PLXNA2: variants seen among roughly 807,000 people sequenced by gnomAD.
PLXNA2 encodes the protein plexin-A2.
PLXNA2 carries 91 observed loss-of-function variants against 193.5 expected under a neutral mutation model. The observed-to-expected ratio is 0.47, with a 90% CI of 0.40 to 0.56. The LOEUF is 0.56. Ranked by LOEUF, PLXNA2 falls within the 20% of genes least tolerant of loss-of-function variation. The pLI, the probability that PLXNA2 is intolerant of heterozygous loss-of-function variation, is 0.00. For synonymous variants in PLXNA2, 997 were observed against 1,027.3 expected (o/e 0.97, Z 0.56); for missense variants, 1,995 against 2,503.2 (o/e 0.80, Z 4.33).
chr1:208,165,872 A>C (rs1405649996), intron 3 of PLXNA2, among the ~76,000 whole-genome samples: 1 of 152,250 alleles, frequency 6.6e-6, no homozygotes, highest in South Asian at 2.1e-4. Flanking sequence ...AATGTTCTAC[A>C]ACTCCCATTG....
chr1:208,223,231 GTT>G (rs5780442), intron 1 of PLXNA2, among the ~76,000 whole-genome samples: 5 of 141,670 alleles, frequency 3.5e-5, no homozygotes, highest in African/African-American at 7.9e-5. Context: ...CCAACCCACT[GTT>G]TTTTTTTTTT....
intron 3 of PLXNA2, among the ~76,000 whole-genome samples, chr1:208,174,671 G>A (rs562150706): frequency 1.3e-5 from 2 of 152,088 alleles, no homozygotes; most frequent in Non-Finnish European, 2.9e-5. Flanking sequence ...AGGGCCACAG[G>A]GGTCACCAGG....
rs750812212 is a variant in PLXNA2 at position 208,043,090 on chromosome 1, C to G, written c.3988G>C (p.Glu1330Gln). 2 of 1,613,986 alleles carry G rather than the reference C, an allele frequency of 1.2e-6. No homozygotes were observed. Among genetic ancestry groups the G allele is most frequent in the Admixed American group, 3.3e-5 (2 of 60,032 alleles). Reference sequence around the variant, plus strand: ...AGCTCCCGCAGGACGGGGTGGTCCTCGATGCCCGGGAACAGGACTCGCATA... The same window carrying G: ...AGCTCCCGCAGGACGGGGTGGTCCTGGATGCCCGGGAACAGGACTCGCATA... Reference protein sequence around the residue: ...YAMRVLFPGIEDHPVLRELEV... With the variant: ...YAMRVLFPGIQDHPVLRELEV... Residue 1330 changes from glutamate to glutamine, a missense_variant, in exon 21 of 32, where the codon GAG becomes CAG. Glu to Gln is a conservative substitution (Grantham distance 29). This residue lies in a region of PLXNA2 where 1,291 missense variants were observed against 1,673.6 expected (regional missense o/e 0.77). Transcript: ENST00000367033.
intron 4 of PLXNA2, among the ~76,000 whole-genome samples, chr1:208,129,053 G>A (rs1353191498): frequency 2.0e-5 from 3 of 152,178 alleles, no homozygotes; most frequent in Non-Finnish European, 4.4e-5. Context: ...TGGGGAGACA[G>A]AAGCAGCCCA....
chr1:208,243,450 G>A (rs1242945554), intron 1 of PLXNA2, among the ~76,000 whole-genome samples, 193 bp downstream of exon 1: 1 of 151,952 alleles, frequency 6.6e-6, no homozygotes, highest in Non-Finnish European at 1.5e-5. Flanking sequence ...CTGCGATCGC[G>A]CGCACGCCGC....
rs201718574 is a variant in PLXNA2, at chr1:208,155,368, G to T, written c.1372-12905C>A. 9.2e-5 allele frequency among the ~76,000 whole-genome samples: 14 copies of T among 152,248 alleles called. No individual in the cohort carries two copies. In the East Asian group the frequency reaches 2.5e-3, roughly 27 times the overall value. On this transcript the variant is annotated intron_variant, in intron 3 of 31. Transcript: ENST00000367033. ...ACCCACAGAGAGAAGGCAGCTCGGG[G>T]CAAACCTACCCACTGCTAATATGCT...
At position 208,041,091 on chromosome 1, in the gene PLXNA2, C is replaced by T. The variant is rs146051672; in HGVS notation, c.4286+1007G>A. On this transcript the variant is annotated intron_variant, in intron 22 of 31. Transcript: ENST00000367033. ...TTTCTCCCGTGGCTCCTCCCAGCAC[C>T]CTCTCCCTGCATTGTGCTTGAGATT... 5.3e-5 allele frequency among the ~76,000 whole-genome samples: 8 copies of T among 152,344 alleles called. No homozygotes were observed. The East Asian group carries it at 1.2e-3, about 22-fold the overall frequency.
chr1:208,171,030 G>A (rs1435268113), intron 3 of PLXNA2, among the ~76,000 whole-genome samples: 1 of 152,166 alleles, frequency 6.6e-6, no homozygotes, highest in Non-Finnish European at 1.5e-5. Flanking sequence ...CCTGGAGGGG[G>A]TATTATTCCC....
chr1:208,084,546 A>G lies in PLXNA2; in HGVS notation c.2132T>C (p.Leu711Ser), dbSNP rs767781096. Residue 711 changes from leucine (L) to serine (S), a missense_variant, in exon 10 of 32, where the codon TTG (leucine) becomes TCG (serine). Leu to Ser is a moderately radical substitution (Grantham distance 145). Around this residue, in one of 3 missense-constraint regions of PLXNA2, gnomAD observed 1,291 missense variants for 1,673.6 expected, o/e 0.77. Transcript: ENST00000367033. ...TGGCTTTACCTCCCCGACTGGAATC[A>G]AGATCTCCTCTGTGGGCACCAGCTG... ...CPQLVPTEEILIPVGEVKPIT... is the reference protein window; with the variant it reads ...CPQLVPTEEISIPVGEVKPIT... 3 of 1,614,134 alleles carry G rather than the reference A, an allele frequency of 1.9e-6. No individual in the cohort carries two copies. The highest frequency in any genetic ancestry group is 2.5e-6 in the Non-Finnish European group (3 of 1,180,038).
chr1:208,206,306 G>A (rs1028006129), intron 3 of PLXNA2, among the ~76,000 whole-genome samples: 1 of 152,196 alleles, frequency 6.6e-6, no homozygotes, highest in Non-Finnish European at 1.5e-5. Context: ...CATAGAAGCT[G>A]TTCTTCTATT....
At chr1:208,195,718 G>A (rs934475244) in intron 3 of PLXNA2, among the ~76,000 whole-genome samples, 2 of 151,916 alleles carry the variant, frequency 1.3e-5, no homozygotes, top group South Asian at 2.1e-4. Context: ...CTAATACACA[G>A]ACTGGCTGCA....
chr1:208,097,121 C>A (rs990881456), intron 6 of PLXNA2, among the ~76,000 whole-genome samples: 1 of 152,140 alleles, frequency 6.6e-6, no homozygotes, highest in Non-Finnish European at 1.5e-5. Context: ...TTTCCATCTT[C>A]TCCAGCATTA....
At chr1:208,108,347 G>C (rs931668461) in intron 4 of PLXNA2, among the ~76,000 whole-genome samples, 2 of 152,232 alleles carry the variant, frequency 1.3e-5, no homozygotes, top group Non-Finnish European at 2.9e-5. Flanking sequence ...GGTAAGGCCA[G>C]GAAAGCCTCA....
In PLXNA2 at chr1:208,192,307, G is replaced by GGTGTGT. The variant is rs35987334; in HGVS notation, c.1371+17967_1371+17972dup. Among the ~76,000 whole-genome samples the GGTGTGT allele has an allele frequency of 6.0e-5, 9 of 149,450 alleles. No individual in the cohort carries two copies. The East Asian group carries it at 1.6e-3, about 26-fold the overall frequency. ...TGCCATGGACACCGGGTTTGGGGAT[G>GGTGTGT]GTGTGTGTGTGTGTGTGTGTGTGTG... On this transcript the variant is annotated intron_variant, in intron 3 of 31. Transcript: ENST00000367033.
intron 3 of PLXNA2, among the ~76,000 whole-genome samples, chr1:208,146,241 T>C (rs1668597097): frequency 6.6e-6 from 1 of 152,214 alleles, no homozygotes; most frequent in Non-Finnish European, 1.5e-5. Context: ...TGTTCTTCCC[T>C]GGGGCTTGAT....
At chr1:208,032,642 G>A (rs1405011282) in intron 28 of PLXNA2, among the ~76,000 whole-genome samples, 2 of 152,034 alleles carry the variant, frequency 1.3e-5, no homozygotes, top group Non-Finnish European at 2.9e-5. Flanking sequence ...ATACTTACAG[G>A]CTTATTTTGC....
chr1:208,118,762 TA>T (rs143877027), intron 4 of PLXNA2, among the ~76,000 whole-genome samples: 7,573 of 152,062 alleles, frequency 0.05, 254 homozygotes, highest in Non-Finnish European at 0.073. Context: ...CTTTTTTTTT[TA>T]AAAGAGGTGC....
intron 9 of PLXNA2, among the ~76,000 whole-genome samples, chr1:208,090,085 G>T (rs1571904188): frequency 6.6e-6 from 1 of 152,354 alleles, no homozygotes; most frequent in Middle Eastern, 3.4e-3. Context: ...AGCCCCGGAA[G>T]TGGCCCTGGC....
At chr1:208,096,214 C>T in intron 7 of PLXNA2, 89 bp from the exon 8 acceptor site, 1 of 947,456 alleles carries the variant, frequency 1.1e-6, no homozygotes, top group Non-Finnish European at 1.7e-6. Flanking sequence ...AGTCATGAAG[C>T]CACCACAGGG....
Sources: gnomAD v4.1 joint callset for allele counts (sites outside exome capture counted in the v4.1 genomes callset) on GRCh38, gnomAD v4.1.1 for gene constraint, gnomAD v4.1.1 regional missense constraint, MANE v1.5 for transcripts, NCBI Gene and HGNC (gene_info 2026-07-23, HGNC 2026-07-21) for gene names.